The following CLASP1 variants were observed in gnomAD, a reference collection of about 807,000 sequenced individuals.
The protein encoded by CLASP1 is cytoplasmic linker associated protein 1.
Under a neutral mutation model 192.3 loss-of-function variants are expected in CLASP1, and 38 were observed. That is an observed-to-expected ratio of 0.20 (90% CI 0.15 to 0.26). The LOEUF is 0.26. Among genes scored for constraint, CLASP1 ranks in the 10% least tolerant of loss-of-function variants. CLASP1 has a pLI of 1.00. For synonymous variants in CLASP1, 691 were observed against 712.8 expected (o/e 0.97, Z 0.49); for missense variants, 1,433 against 1,932.5 (o/e 0.74, Z 4.85).
chr2:121,365,406 C>T (rs1165253346), intron 35 of CLASP1, 122 bp from the exon 37 acceptor site: 5 of 919,618 alleles, frequency 5.4e-6, no homozygotes, highest in Admixed American at 4.2e-5. Flanking sequence ...GCCTCCTTCA[C>T]GGTTCCCCTC....
At chr2:121,581,104 T>C (rs1178672111) in intron 2 of CLASP1, among the ~76,000 whole-genome samples, 1 of 152,110 alleles carries the variant, frequency 6.6e-6, no homozygotes, top group Non-Finnish European at 1.5e-5. Flanking sequence ...ATTTTGGTAA[T>C]GGCTATCTTA....
At chr2:121,478,703 ACCC>A (rs2092026580) in intron 8 of CLASP1, among the ~76,000 whole-genome samples, 1 of 41,130 alleles carries the variant, frequency 2.4e-5, no homozygotes, top group African/African-American at 8.7e-5. Context: ...ACACAACCAC[ACCC>A]CACACACACA....
chr2:121,515,749 G>C (rs1402938221), exon 7 of CLASP1: 1 of 1,613,668 alleles, frequency 6.2e-7, no homozygotes, highest in East Asian at 2.2e-5. Flanking sequence ...GCTGTTTATT[G>C]CTGCATCTCG....
chr2:121,529,673 C>T (rs2094700418), intron 3 of CLASP1, among the ~76,000 whole-genome samples: 2 of 152,174 alleles, frequency 1.3e-5, no homozygotes, highest in African/African-American at 4.8e-5. Flanking sequence ...TGCTGACATA[C>T]TGTTTTCCCT....
At chr2:121,489,057 T>C (rs2093153588) in intron 8 of CLASP1, among the ~76,000 whole-genome samples, 1 of 152,180 alleles carries the variant, frequency 6.6e-6, no homozygotes, top group Non-Finnish European at 1.5e-5. Flanking sequence ...ATATCACAAC[T>C]TAAGTCAAAT....
intron 37 of CLASP1, among the ~76,000 whole-genome samples, chr2:121,349,532 C>T (rs964520646): frequency 4.6e-5 from 7 of 152,174 alleles, no homozygotes; most frequent in African/African-American, 1.4e-4. Flanking sequence ...GGAGCATCTG[C>T]AAAGAAGCCT....
exon 23 of CLASP1, chr2:121,418,676 T>C: frequency 6.2e-7 from 1 of 1,613,794 alleles, no homozygotes. Context: ...TCACGGCTGG[T>C]ATCGCGGCTG....
rs528776679 is a variant in CLASP1 at position 121,435,806 on chromosome 2, T to G, written c.1913-5629A>C. On this transcript the variant is annotated intron_variant, in intron 19 of 39. Coordinates refer to ENST00000263710, the Ensembl canonical transcript of CLASP1. ...ATAATTATAGATTCCTATGCAGTTT[T>G]AAGTTTTAAGATTCCTGTGTGTTCT... Among the ~76,000 whole-genome samples, 3 of 152,324 alleles carry G rather than the reference T, an allele frequency of 2.0e-5. No individual in the cohort carries two copies. In the South Asian group the frequency reaches 6.2e-4, roughly 32 times the overall value.
intron 2 of CLASP1, among the ~76,000 whole-genome samples, chr2:121,604,804 C>A (rs910394322): frequency 3.9e-5 from 6 of 152,284 alleles, no homozygotes; most frequent in African/African-American, 1.4e-4. Context: ...AAGTCCAAAC[C>A]AATCTCAAAA....
intron 38 of CLASP1, 32 bp downstream of exon 39, chr2:121,348,480 C>T (rs755608425): frequency 1.7e-5 from 27 of 1,567,576 alleles, no homozygotes; most frequent in African/African-American, 8.1e-5. Context: ...CCACACAGGC[C>T]GGGGGCAGGC....
chr2:121,492,389 CAAAAAA>C (rs761378692), intron 8 of CLASP1, among the ~76,000 whole-genome samples: 11 of 37,924 alleles, frequency 2.9e-4, no homozygotes, highest in African/African-American at 1.2e-3. Flanking sequence ...ACTCCCTCTC[CAAAAAA>C]AAAAAAAAAA....
chr2:121,359,839 T>C (rs1262419532), intron 37 of CLASP1, among the ~76,000 whole-genome samples: 9 of 152,200 alleles, frequency 5.9e-5, no homozygotes, highest in Non-Finnish European at 1.3e-4. Context: ...CTATAGAACA[T>C]GTATGTTAGC....
At chr2:121,442,507 C>A (rs1043153373) in intron 19 of CLASP1, among the ~76,000 whole-genome samples, 1 of 139,312 alleles carries the variant, frequency 7.2e-6, no homozygotes, top group African/African-American at 2.6e-5. Flanking sequence ...GACGGAGTCT[C>A]GCTCTGTTGC....
intron 37 of CLASP1, among the ~76,000 whole-genome samples, chr2:121,355,668 CT>C (rs1245630336): frequency 1.3e-5 from 2 of 152,164 alleles, no homozygotes; most frequent in African/African-American, 4.8e-5. Context: ...GGTTTTGCCC[CT>C]GTGTTCTATG....
At chr2:121,566,953 C>A (rs536787061) in intron 2 of CLASP1, among the ~76,000 whole-genome samples, 3 of 152,308 alleles carry the variant, frequency 2.0e-5, no homozygotes, top group African/African-American at 7.2e-5. Context: ...GTGGCCTTCA[C>A]GCCCTCTGAG....
At chr2:121,362,569 A>C (rs1157737481) in intron 37 of CLASP1, among the ~76,000 whole-genome samples, 1 of 152,254 alleles carries the variant, frequency 6.6e-6, no homozygotes, top group Non-Finnish European at 1.5e-5. Flanking sequence ...CATCTTGCAG[A>C]GAGAAGCACA....
chr2:121,538,036 A>G (rs2104949938), intron 2 of CLASP1, among the ~76,000 whole-genome samples: 1 of 152,320 alleles, frequency 6.6e-6, no homozygotes, highest in East Asian at 1.9e-4. Flanking sequence ...TCTCTCTGAG[A>G]CTGGAACACG....
chr2:121,557,190 T>C (rs1466447263), intron 2 of CLASP1, among the ~76,000 whole-genome samples: 2 of 152,260 alleles, frequency 1.3e-5, no homozygotes, highest in African/African-American at 2.4e-5. Context: ...TAGAACTTAC[T>C]CTTTCCTGGT....
chr2:121,543,740 A>G (rs963960889), intron 2 of CLASP1, among the ~76,000 whole-genome samples: 1 of 151,980 alleles, frequency 6.6e-6, no homozygotes, highest in East Asian at 1.9e-4. Flanking sequence ...ACTTTTTTCT[A>G]TCTCCTTTAT....
Sources: gnomAD v4.1 joint callset for allele counts (sites outside exome capture counted in the v4.1 genomes callset) on GRCh38, gnomAD v4.1.1 for gene constraint, MANE v1.5 for transcripts, NCBI Gene and HGNC (gene_info 2026-07-23, HGNC 2026-07-21) for gene names.